CHD1L: variants seen among roughly 807,000 people sequenced by gnomAD.
CHD1L encodes the protein chromodomain helicase DNA binding protein 1 like.
In CHD1L, 118 loss-of-function variants were observed where a neutral mutation model predicts 115.9. The observed-to-expected ratio is 1.02, with a 90% CI of 0.88 to 1.19. CHD1L has a LOEUF of 1.19. CHD1L is among the 50% of genes most tolerant of loss of function. CHD1L has a pLI of 0.00. For missense variants in CHD1L, 1,179 were observed against 1,065.3 expected (o/e 1.11, Z -1.49); for synonymous variants, 411 against 387.1 (o/e 1.06, Z -0.72).
At chr1:147,266,829 T>C (rs911226727) in intron 8 of CHD1L, among the ~76,000 whole-genome samples, 1 of 152,230 alleles carries the variant, frequency 6.6e-6, no homozygotes, top group Non-Finnish European at 1.5e-5. Flanking sequence ...GTCTGTGACA[T>C]TGTGAATAGA....
intron 19 of CHD1L, among the ~76,000 whole-genome samples, chr1:147,290,699 G>C (rs781830068): frequency 5.9e-5 from 9 of 151,804 alleles, no homozygotes; most frequent in Admixed American, 1.3e-4. Flanking sequence ...TGTCACCCAG[G>C]CTGGAGTGCA....
At chr1:147,206,353 G>C in the CHD1L span, among the ~76,000 whole-genome samples, 118 of 152,284 alleles carry the variant, frequency 7.7e-4, 1 homozygote, top group East Asian at 0.021. Flanking sequence ...GTGGAAGACA[G>C]TGTGGCGATT....
the CHD1L span, among the ~76,000 whole-genome samples, chr1:147,231,993 A>G: frequency 6.6e-6 from 1 of 152,174 alleles, no homozygotes; most frequent in Non-Finnish European, 1.5e-5. Context: ...TCAGTTGGAA[A>G]TGCAAAAATC....
intron 13 of CHD1L, 127 bp from the exon 14 acceptor site, chr1:147,275,977 T>A: frequency 1.1e-6 from 1 of 897,702 alleles, no homozygotes; most frequent in Non-Finnish European, 1.7e-6. Context: ...AATGAACCAA[T>A]CTCCCTTTCA....
chr1:147,282,246 C>A (rs1681190138), intron 15 of CHD1L, among the ~76,000 whole-genome samples: 1 of 152,182 alleles, frequency 6.6e-6, no homozygotes, highest in African/African-American at 2.4e-5. Context: ...TTTCACTGGG[C>A]AACCCATTTT....
chr1:147,256,028 T>C (rs1400596746), intron 4 of CHD1L, 101 bp downstream of exon 4: 2 of 703,932 alleles, frequency 2.8e-6, no homozygotes, highest in African/African-American at 1.8e-5. Context: ...AGCACACACT[T>C]TTCTGGGCAG....
At chr1:147,243,045 A>G in intron 1 of CHD1L, 2 of 458,438 alleles carry the variant, frequency 4.4e-6, no homozygotes, top group Non-Finnish European at 6.9e-6. Flanking sequence ...CGGACGCCAG[A>G]TGAATGAGGT....
chr1:147,211,573 A>T, the CHD1L span: 1 of 152,234 alleles, frequency 6.6e-6, no homozygotes. Context: ...AAACATCTTT[A>T]TAGAGAAGCA....
At chr1:147,193,100 G>T in the CHD1L span, among the ~76,000 whole-genome samples, 1 of 152,090 alleles carries the variant, frequency 6.6e-6, no homozygotes, top group African/African-American at 2.4e-5. Flanking sequence ...GCTCCTCTTT[G>T]TACCTCTGGT....
chr1:147,194,185 G>A, the CHD1L span, among the ~76,000 whole-genome samples: 1 of 152,100 alleles, frequency 6.6e-6, no homozygotes, highest in African/African-American at 2.4e-5. Flanking sequence ...ATGAATCTGG[G>A]TGCTCCTGCA....
intron 18 of CHD1L, 46 bp from the exon 19 acceptor site, chr1:147,287,589 T>C: frequency 1.4e-6 from 2 of 1,418,062 alleles, no homozygotes; most frequent in Non-Finnish European, 2.0e-6. Flanking sequence ...AATTGTGCAC[T>C]GGACTTCACC....
chr1:147,239,930 CAT>C (rs1664719215), upstream of CHD1L, among the ~76,000 whole-genome samples: 1 of 152,182 alleles, frequency 6.6e-6, no homozygotes, highest in Non-Finnish European at 1.5e-5. Flanking sequence ...AAAAACCACT[CAT>C]GAGCAGCCAC....
At chr1:147,173,808 T>G in the CHD1L span, among the ~76,000 whole-genome samples, 1 of 152,204 alleles carries the variant, frequency 6.6e-6, no homozygotes, top group African/African-American at 2.4e-5. Flanking sequence ...TTAAAGTGTG[T>G]GAGAAGCAAT....
At chr1:147,178,956 C>T in the CHD1L span, 1 of 1,612,080 alleles carries the variant, frequency 6.2e-7, no homozygotes. Context: ...ACTGGAGAAA[C>T]AGGGTAATGA....
the CHD1L span, among the ~76,000 whole-genome samples, chr1:147,227,291 G>A: frequency 1.4e-4 from 22 of 152,208 alleles, no homozygotes; most frequent in East Asian, 4.2e-3. Flanking sequence ...CTTGTAAATT[G>A]GATAATTTTG....
intron 1 of CHD1L, among the ~76,000 whole-genome samples, chr1:147,252,356 A>T (rs1553936947): frequency 6.6e-6 from 1 of 152,194 alleles, no homozygotes; most frequent in African/African-American, 2.4e-5. Flanking sequence ...CCAGATCCCA[A>T]GTTGACTTTC....
the CHD1L span, among the ~76,000 whole-genome samples, chr1:147,192,366 C>G: frequency 6.6e-6 from 1 of 151,966 alleles, no homozygotes; most frequent in African/African-American, 2.4e-5. Context: ...GATTTTGTAT[C>G]CTGAGACTTT....
chr1:147,251,541 A>AT (rs1352613107), intron 1 of CHD1L, among the ~76,000 whole-genome samples: 1 of 151,940 alleles, frequency 6.6e-6, no homozygotes, highest in Non-Finnish European at 1.5e-5. Flanking sequence ...TTTTATTATT[A>AT]TTTTTTTGAG....
the CHD1L span, chr1:147,212,527 T>C: frequency 9.2e-3 from 14,895 of 1,611,874 alleles, 114 homozygotes; most frequent in Middle Eastern, 0.013. Context: ...CCTTTGAACT[T>C]CTCAATTCCT....
Sources: allele counts gnomAD v4.1 joint callset (sites outside exome capture counted in the v4.1 genomes callset), GRCh38; gene constraint gnomAD v4.1.1; transcripts MANE v1.5; gene names NCBI Gene and HGNC (gene_info 2026-07-23, HGNC 2026-07-21).